Variants in EPHA6 observed in about 807,000 individuals in gnomAD.
EPHA6 encodes the protein EPH receptor A6.
Under a neutral mutation model 112.0 loss-of-function variants are expected in EPHA6, and 50 were observed. The ratio of observed to expected loss-of-function variants is 0.45; its 90% CI spans 0.36 to 0.56. The LOEUF is 0.56. EPHA6 is among the 20% of genes least tolerant of loss of function. The probability of loss-of-function intolerance (pLI) is 0.00; values close to 1 mark genes in which losing one functional copy is unlikely to be tolerated. For missense variants in EPHA6, 1,280 were observed against 1,417.4 expected (o/e 0.90, Z 1.56); for synonymous variants, 529 against 490.7 (o/e 1.08, Z -1.03).
At chr3:97,333,766 A>G (rs1237081683) in intron 5 of EPHA6, among the ~76,000 whole-genome samples, 2 of 152,042 alleles carry the variant, frequency 1.3e-5, no homozygotes, top group African/African-American at 2.4e-5. Flanking sequence ...GGCTTGACCT[A>G]TCGTGCCTGG....
At chr3:96,834,219 G>T (rs1269716153) in intron 1 of EPHA6, among the ~76,000 whole-genome samples, 1 of 151,890 alleles carries the variant, frequency 6.6e-6, no homozygotes, top group Non-Finnish European at 1.5e-5. Flanking sequence ...CCCAGACTTT[G>T]AGTACCAGTG....
At chr3:96,899,782 G>A (rs908612327) in intron 2 of EPHA6, among the ~76,000 whole-genome samples, 1 of 152,072 alleles carries the variant, frequency 6.6e-6, no homozygotes, top group African/African-American at 2.4e-5. Context: ...TGAAATCTGA[G>A]GAATACTGTT....
chr3:97,196,609 A>G (rs191420560), intron 3 of EPHA6, among the ~76,000 whole-genome samples: 5 of 152,058 alleles, frequency 3.3e-5, no homozygotes, highest in East Asian at 3.9e-4. Flanking sequence ...TTTGTACCCA[A>G]CATTCTTGTG....
chr3:97,547,746 C>A (rs541128897), intron 11 of EPHA6, among the ~76,000 whole-genome samples: 153 of 152,336 alleles, frequency 1.0e-3, no homozygotes, highest in Admixed American at 1.9e-3. Context: ...TTTACCTAAT[C>A]AAACAACTAA....
rs907716429 is a variant in EPHA6, at chr3:97,507,148, C to A, written c.2200+23089C>A. 7.9e-5 allele frequency among the ~76,000 whole-genome samples: 12 copies of A among 152,054 alleles called. No individual in the cohort carries two copies. The South Asian group carries it at 8.3e-4, about 10-fold the overall frequency. Reference sequence around the variant, plus strand: ...TGACTTCCTCTCTTCCTATTGAATACCCTTTATTTTTTCTCTTGCCTGAAT... The same window carrying A: ...TGACTTCCTCTCTTCCTATTGAATAACCTTTATTTTTTCTCTTGCCTGAAT... On this transcript the variant is annotated intron_variant, in intron 10 of 17. Transcript: ENST00000389672.
chr3:97,333,725 C>T (rs1369966439), intron 5 of EPHA6, among the ~76,000 whole-genome samples: 1 of 151,944 alleles, frequency 6.6e-6, no homozygotes, highest in Non-Finnish European at 1.5e-5. Context: ...GCAGTCGTCC[C>T]TCCTCAGCCT....
intron 5 of EPHA6, among the ~76,000 whole-genome samples, chr3:97,368,821 A>G (rs1462497687): frequency 6.6e-6 from 1 of 152,142 alleles, no homozygotes; most frequent in Non-Finnish European, 1.5e-5. Flanking sequence ...GCTTGTGACA[A>G]TGATCACCAC....
At chr3:97,403,478 A>T (rs977449188) in intron 5 of EPHA6, among the ~76,000 whole-genome samples, 2 of 152,022 alleles carry the variant, frequency 1.3e-5, no homozygotes, top group Non-Finnish European at 2.9e-5. Context: ...ACGGAGTCTC[A>T]CTCTGTCGCC....
intron 2 of EPHA6, among the ~76,000 whole-genome samples, chr3:96,873,766 A>G (rs947828439): frequency 6.6e-6 from 1 of 152,124 alleles, no homozygotes; most frequent in Non-Finnish European, 1.5e-5. Flanking sequence ...AGGTGCTCTT[A>G]GAGATTTAAT....
rs577626254 is a variant in EPHA6 at position 97,630,412 on chromosome 3, T to C, written c.2575-7461T>C. 2.0e-3 allele frequency among the ~76,000 whole-genome samples: 298 copies of C among 152,146 alleles called. 1 individual carries two copies. The highest frequency in any genetic ancestry group is 2.8e-3 in the Non-Finnish European group (188 of 67,940). On this transcript the variant is annotated intron_variant, in intron 13 of 17. Coordinates refer to ENST00000389672, the MANE Select transcript of EPHA6 (RefSeq NM_001080448.3). ...TAAAAACAAGAGTGATTTGGTGTTTTGAAATCTATAAATAATCCCAAACAT... is the reference window on the plus strand; with the variant it reads ...TAAAAACAAGAGTGATTTGGTGTTTCGAAATCTATAAATAATCCCAAACAT...
Position 97,373,283 on chromosome 3 carries a change from C to T in EPHA6, c.1607-31867C>T, listed in dbSNP as rs150995028. Among the ~76,000 whole-genome samples the T allele has an allele frequency of 2.5e-3, 376 of 152,034 alleles. 1 individual carries two copies. Among genetic ancestry groups the T allele is most frequent in the African/African-American group, 8.6e-3 (356 of 41,482 alleles). Reference sequence around the variant, plus strand: ...TGAGATACAGTTTTCCATTTCTGTTCGTTTTGTAATTTTTAAAATTATCAT... The same window carrying T: ...TGAGATACAGTTTTCCATTTCTGTTTGTTTTGTAATTTTTAAAATTATCAT... On this transcript the variant is annotated intron_variant, in intron 5 of 17. Transcript: ENST00000389672.
intron 3 of EPHA6, among the ~76,000 whole-genome samples, chr3:97,154,572 A>G (rs968374763): frequency 2.0e-5 from 3 of 152,184 alleles, no homozygotes; most frequent in African/African-American, 4.8e-5. Flanking sequence ...AAGAGATCTC[A>G]AAAATGTATT....
intron 3 of EPHA6, among the ~76,000 whole-genome samples, chr3:97,190,609 C>A (rs893583712): frequency 6.6e-5 from 10 of 151,866 alleles, no homozygotes; most frequent in Admixed American, 5.3e-4. Context: ...TTTTAATTGA[C>A]AAATATAAAT....
In EPHA6 at chr3:97,482,201, A is replaced by G. The variant is rs79660434; in HGVS notation, c.2075-1733A>G. 8.2e-3 allele frequency among the ~76,000 whole-genome samples: 1,253 copies of G among 152,316 alleles called. 15 individuals carry two copies. The highest frequency in any genetic ancestry group is 0.027 in the African/African-American group (1,114 of 41,570). ...AATGTGTACCACCTTAAATAATTGA[A>G]TAGTTTAATAGTTAAAACCACATAT... On this transcript the variant is annotated intron_variant, in intron 9 of 17. Coordinates refer to ENST00000389672, the MANE Select transcript of EPHA6 (RefSeq NM_001080448.3).
At chr3:97,704,327 C>T (rs924869227) in intron 14 of EPHA6, among the ~76,000 whole-genome samples, 3 of 152,270 alleles carry the variant, frequency 2.0e-5, no homozygotes, top group African/African-American at 7.2e-5. Flanking sequence ...GTGGGTATCA[C>T]CCAATCCATT....
chr3:97,761,336 T>G lies in EPHA6; in HGVS notation c.*12635T>G, dbSNP rs2036163285. The stretch of plus-strand genomic sequence containing the variant: ...AATTGCATAACATATGTCATCTATT[T>G]GCTGAAAGAATATGCTGTTTAGCAA... On this transcript the variant is annotated 3_prime_UTR_variant, in exon 18 of 18. Transcript: ENST00000389672. 1 of 190,558 alleles carries G rather than the reference T, an allele frequency of 5.2e-6. No homozygotes were observed. Among genetic ancestry groups the G allele is most frequent in the South Asian group, 1.9e-4 (1 of 5,172 alleles). 11.8% of individuals were successfully genotyped at this position (190,558 alleles called of 1,614,324 possible).
intron 2 of EPHA6, among the ~76,000 whole-genome samples, chr3:96,963,810 A>T (rs2042029366): frequency 6.6e-6 from 1 of 152,000 alleles, no homozygotes; most frequent in South Asian, 2.1e-4. Context: ...TTTTTATAAA[A>T]CTCTGGCTTT....
rs897313486 is a variant in EPHA6, at chr3:97,185,958, A to G, written c.1115-40306A>G. ...ACCATCATTCTGAGCAAACTATCAC[A>G]AGGACAAAAAACCAAACACTGCATG... On this transcript the variant is annotated intron_variant, in intron 3 of 17. Transcript: ENST00000389672. Among the ~76,000 whole-genome samples, 4 of 151,366 alleles carry G rather than the reference A, an allele frequency of 2.6e-5. No individual in the cohort carries two copies. The South Asian group carries it at 6.3e-4, about 24-fold the overall frequency.
chr3:97,545,023 T>A (rs1381803198), intron 11 of EPHA6, among the ~76,000 whole-genome samples: 2 of 152,226 alleles, frequency 1.3e-5, no homozygotes, highest in Non-Finnish European at 2.9e-5. Flanking sequence ...AGCTCCTGGA[T>A]TCATTAATTT....
Sources: gnomAD v4.1 joint callset for allele counts (sites outside exome capture counted in the v4.1 genomes callset) on GRCh38, gnomAD v4.1.1 for gene constraint, MANE v1.5 for transcripts, NCBI Gene and HGNC (gene_info 2026-07-23, HGNC 2026-07-21) for gene names.